RBM26: variants seen among roughly 807,000 people sequenced by gnomAD.
RBM26 encodes RNA binding motif protein 26.
In RBM26, 30 loss-of-function variants were observed where a neutral mutation model predicts 123.6. The observed-to-expected ratio is 0.24, with a 90% CI of 0.18 to 0.33. The LOEUF is 0.33. Among genes scored for constraint, RBM26 ranks in the 10% least tolerant of loss-of-function variants. The probability of loss-of-function intolerance (pLI) is 1.00; values close to 1 mark genes in which losing one functional copy is unlikely to be tolerated. For missense variants in RBM26, 947 were observed against 1,203.6 expected (o/e 0.79, Z 3.15); for synonymous variants, 400 against 404.4 (o/e 0.99, Z 0.13).
At chr13:79,361,785 AG>A (rs2074718531) in intron 9 of RBM26, among the ~76,000 whole-genome samples, 2 of 152,140 alleles carry the variant, frequency 1.3e-5, no homozygotes. Context: ...ACATTTGTCA[AG>A]TAGTTATACT....
Position 79,320,011 on chromosome 13 carries a change from G to C in RBM26, c.*610C>G. On this transcript the variant is annotated 3_prime_UTR_variant, in exon 22 of 22. Coordinates refer to ENST00000438737, the MANE Select transcript of RBM26 (RefSeq NM_001366735.2). ...TTTTCTTTCCTTTTTTTTTTTTAAA[G>C]AGACCATTCCACTTTATTATAACAT... 1 of 399,898 alleles carries C rather than the reference G, an allele frequency of 2.5e-6. No individual in the cohort carries two copies. Among genetic ancestry groups the C allele is most frequent in the Non-Finnish European group, 2.9e-6 (1 of 345,384 alleles). 24.8% of individuals were successfully genotyped at this position (399,898 alleles called of 1,614,324 possible). A position where few individuals can be genotyped will look rare whatever the true frequency, so the allele number is the denominator to read the frequency against.
chr13:79,359,784 G>A, intron 9 of RBM26, 98 bp from the exon 10 acceptor site: 1 of 335,858 alleles, frequency 3.0e-6, no homozygotes, highest in Non-Finnish European at 5.2e-6. Context: ...TCTGGCTTTT[G>A]TCTAAATATA....
chr13:79,366,207 AAAG>A lies in RBM26; in HGVS notation c.1136-15_1136-13del, dbSNP rs1252342062. On this transcript the variant is annotated splice_polypyrimidine_tract_variant and intron_variant, in intron 7 of 21. Coordinates refer to ENST00000438737, the MANE Select transcript of RBM26 (RefSeq NM_001366735.2). Reference sequence around the variant, plus strand: ...TGGAGGTGGTGGTCCTGTCAAAACCAAAGAATAAGAAATATCATCTGAAAGCAA... The same window carrying A: ...TGGAGGTGGTGGTCCTGTCAAAACCAAATAAGAAATATCATCTGAAAGCAA... The A allele has an allele frequency of 6.9e-6, 11 of 1,604,674 alleles. No individual in the cohort carries two copies. The Admixed American group carries it at 1.7e-4, about 25-fold the overall frequency.
chr13:79,335,637 A>G (rs561417909), intron 19 of RBM26, among the ~76,000 whole-genome samples: 2 of 152,282 alleles, frequency 1.3e-5, no homozygotes, highest in South Asian at 4.1e-4. Context: ...CTTAAGACTA[A>G]TAATTTAAAT....
rs1332489578 is a variant in RBM26 at position 79,405,918 on chromosome 13, G to T, written c.-144C>A. The T allele has an allele frequency of 5.3e-6, 2 of 376,722 alleles. No homozygotes were observed. Among genetic ancestry groups the T allele is most frequent in the African/African-American group, 4.3e-5 (2 of 46,798 alleles). The allele number at this position is 376,722 out of a possible 1,614,324, so 23.3% of individuals were successfully genotyped here. A position where few individuals can be genotyped will look rare whatever the true frequency, so the allele number is the denominator to read the frequency against. On this transcript the variant is annotated 5_prime_UTR_variant, in exon 1 of 22. Transcript: ENST00000438737. ...CCGGTGGCAGGTTCCCGCGGGCCCCGGTCGGCGAACAGCTCTGCAAGGACC... is the reference window on the plus strand; with the variant it reads ...CCGGTGGCAGGTTCCCGCGGGCCCCTGTCGGCGAACAGCTCTGCAAGGACC...
At chr13:79,375,015 A>G (rs1163942009) in intron 3 of RBM26, among the ~76,000 whole-genome samples, 1 of 129,978 alleles carries the variant, frequency 7.7e-6, no homozygotes, top group Non-Finnish European at 1.7e-5. Context: ...TATAATATAT[A>G]TATTATATAT....
chr13:79,345,856 A>G (rs574096082), intron 14 of RBM26, among the ~76,000 whole-genome samples: 20 of 152,298 alleles, frequency 1.3e-4, no homozygotes, highest in Non-Finnish European at 1.5e-5. Flanking sequence ...AGCTCAAAAA[A>G]AAAAAGTATT....
chr13:79,342,850 G>A lies in RBM26; in HGVS notation c.2260-19C>T. On this transcript the variant is annotated intron_variant, in intron 16 of 21. Coordinates refer to ENST00000438737, the MANE Select transcript of RBM26 (RefSeq NM_001366735.2). ...TTAACATCTGCCAAATTTTTAAAAA[G>A]AGAAAAATAAAGCTAATTACTCCTA... is the stretch of plus-strand genomic sequence containing the variant. 6.6e-7 allele frequency: 1 copy of A among 1,505,702 alleles called. No homozygotes were observed. Among genetic ancestry groups the A allele is most frequent in the Non-Finnish European group, 9.1e-7 (1 of 1,101,182 alleles). 93.3% of individuals were successfully genotyped at this position (1,505,702 alleles called of 1,614,324 possible). A position where few individuals can be genotyped will look rare whatever the true frequency, so the allele number is the denominator to read the frequency against.
intron 1 of RBM26, among the ~76,000 whole-genome samples, chr13:79,402,025 GA>G (rs35518227): frequency 0.02 from 2,892 of 144,400 alleles, 73 homozygotes; most frequent in African/African-American, 0.062. Flanking sequence ...GTCTCTTCAG[GA>G]AAAAAAAAAA....
At chr13:79,313,760 AAC>A (rs2066967959) in exon 5 of RBM26, 1 of 151,766 alleles carries the variant, frequency 6.6e-6, no homozygotes, top group Non-Finnish European at 1.5e-5. Flanking sequence ...TGTGGATCAA[AAC>A]AGTTAATTTA....
intron 7 of RBM26, 102 bp downstream of exon 7, chr13:79,366,531 T>G: frequency 8.2e-7 from 1 of 1,215,452 alleles, no homozygotes; most frequent in Non-Finnish European, 1.1e-6. Context: ...ATCAGGCATT[T>G]TTGGGATTCC....
intron 19 of RBM26, among the ~76,000 whole-genome samples, chr13:79,334,642 A>G (rs2070007165): frequency 2.6e-5 from 4 of 152,232 alleles, no homozygotes; most frequent in Middle Eastern, 3.4e-3. Context: ...TACAATTCAC[A>G]CTTCCCAGAA....
chr13:79,371,992 T>C (rs1021286312), intron 3 of RBM26, 62 bp from the exon 4 acceptor site: 25 of 1,173,782 alleles, frequency 2.1e-5, no homozygotes, highest in Non-Finnish European at 2.9e-5. Context: ...TAAATAGCCT[T>C]AGATAGGGCT....
intron 9 of RBM26, among the ~76,000 whole-genome samples, chr13:79,363,219 T>G (rs1404489571): frequency 6.6e-6 from 1 of 152,178 alleles, no homozygotes; most frequent in Non-Finnish European, 1.5e-5. Flanking sequence ...AGCATAAAAG[T>G]TTAACTATCA....
chr13:79,397,911 C>T lies in RBM26; in HGVS notation c.71+7793G>A, dbSNP rs181832427. ...TTTTAAAAGCATTTGTAAAACATGT[C>T]GCAGAAAAAAATAACAAAAGAAATG... On this transcript the variant is annotated intron_variant, in intron 1 of 21. Coordinates refer to ENST00000438737, the MANE Select transcript of RBM26 (RefSeq NM_001366735.2). Among the ~76,000 whole-genome samples, 141 of 151,788 alleles carry T rather than the reference C, an allele frequency of 9.3e-4. 1 individual carries two copies. Among genetic ancestry groups the T allele is most frequent in the Non-Finnish European group, 1.8e-3 (121 of 67,926 alleles).
At chr13:79,349,948 G>A (rs529024627) in intron 14 of RBM26, among the ~76,000 whole-genome samples, 2 of 152,016 alleles carry the variant, frequency 1.3e-5, no homozygotes, top group African/African-American at 2.4e-5. Context: ...TGCCTACCTC[G>A]GCCTCCCAAA....
chr13:79,371,284 C>A, intron 4 of RBM26, 122 bp from the exon 5 acceptor site: 1 of 741,524 alleles, frequency 1.3e-6, no homozygotes, highest in African/African-American at 1.8e-5. Context: ...CATCAGACAA[C>A]TGAAAAAACT....
chr13:79,397,071 C>T (rs2078632912), intron 1 of RBM26, among the ~76,000 whole-genome samples: 1 of 152,142 alleles, frequency 6.6e-6, no homozygotes, highest in Non-Finnish European at 1.5e-5. Flanking sequence ...GTCCCACCTA[C>T]TCAGGAGGCT....
At chr13:79,344,101 CTCT>C (rs1248253761) in intron 16 of RBM26, 144 bp downstream of exon 16, 6 of 667,916 alleles carry the variant, frequency 9.0e-6, no homozygotes, top group Admixed American at 2.4e-5. Context: ...CTGATGTATG[CTCT>C]TCATCTCCAA....
Sources: allele counts gnomAD v4.1 joint callset (sites outside exome capture counted in the v4.1 genomes callset), GRCh38; gene constraint gnomAD v4.1.1; transcripts MANE v1.5; gene names NCBI Gene and HGNC (gene_info 2026-07-23, HGNC 2026-07-21).